RPL7A: variants seen among roughly 807,000 people sequenced by gnomAD.
RPL7A encodes the protein large ribosomal subunit protein eL8.
For synonymous variants in RPL7A, 158 were observed against 128.2 expected, an observed-to-expected ratio of 1.23 and a Z score of -1.57; for missense variants, 291 against 338.2, an observed-to-expected ratio of 0.86 and a Z score of 1.09.
intron 1 of RPL7A, chr9:133,348,664 G>C: frequency 1.4e-6 from 1 of 690,474 alleles, no homozygotes; most frequent in Non-Finnish European, 2.7e-6. Flanking sequence ...TGTCTCCTGG[G>C]TGGGCGACGC....
chr9:133,350,064 C>T lies in RPL7A; in HGVS notation c.415+12C>T. 1 of 1,613,932 alleles carries T rather than the reference C, an allele frequency of 6.2e-7. No homozygotes were observed. The highest frequency in any genetic ancestry group is 8.5e-7 in the Non-Finnish European group (1 of 1,180,042). On this transcript the variant is annotated intron_variant, in intron 4 of 7. Transcript: ENST00000323345. ...TGTCCTTCGAGCAGGTGAGTAGGCC[C>T]CACCTTAGGGTGAACACTGGGGGCG...
intron 4 of RPL7A, 92 bp from the exon 5 acceptor site, chr9:133,350,148 G>C: frequency 6.2e-7 from 1 of 1,612,900 alleles, no homozygotes; most frequent in Non-Finnish European, 8.5e-7. Flanking sequence ...GTAAAACCGA[G>C]CTTTTTAACA....
intron 1 of RPL7A, chr9:133,348,666 G>T: frequency 5.8e-6 from 4 of 691,714 alleles, no homozygotes; most frequent in Non-Finnish European, 1.1e-5. Context: ...TCTCCTGGGT[G>T]GGCGACGCGA....
At chr9:133,349,101 T>C (rs2129983479) in intron 2 of RPL7A, 59 bp downstream of exon 2, 42 of 1,595,852 alleles carry the variant, frequency 2.6e-5, no homozygotes, top group Non-Finnish European at 3.6e-5. Context: ...AAGGTGGTAA[T>C]TGGGTTGTGT....
In RPL7A at chr9:133,348,386, G is replaced by A. The variant is rs2129978266; in HGVS notation, c.3+140G>A. The stretch of plus-strand genomic sequence containing the variant: ...CCACTCGGTGTGGCACGGAGACACC[G>A]AGGTGGATTAGAGCCCCACTTGGTG... On this transcript the variant is annotated intron_variant, in intron 1 of 7. Transcript: ENST00000323345. The A allele has an allele frequency of 1.6e-5, 20 of 1,226,344 alleles. No individual in the cohort carries two copies. The South Asian group carries it at 2.3e-4, about 14-fold the overall frequency. 76.0% of individuals were successfully genotyped at this position (1,226,344 alleles called of 1,614,324 possible).
Position 133,350,820 on chromosome 9 carries a change from T to G in RPL7A, c.626+93T>G, listed in dbSNP as rs114090428. On this transcript the variant is annotated intron_variant, in intron 6 of 7. Coordinates refer to ENST00000323345, the MANE Select transcript of RPL7A (RefSeq NM_000972.3). ...TTTGCCTTAAAGGCCAATCTTTTAGTTTAAGAAATATATTTATCTGAACTT... is the reference window on the plus strand; with the variant it reads ...TTTGCCTTAAAGGCCAATCTTTTAGGTTAAGAAATATATTTATCTGAACTT... 6,808 of 1,580,042 alleles carry G rather than the reference T, an allele frequency of 4.3e-3. 63 individuals carry two copies. Among genetic ancestry groups the G allele is most frequent in the African/African-American group, 0.035 (2,570 of 74,278 alleles).
chr9:133,349,716 G>A lies in RPL7A; in HGVS notation c.274+16G>A, dbSNP rs2129988130. ...CGCCAAACAGGTGAGGTTCTGTGGC[G>A]TGGAAAGGAGTTTCTCAGGCAAGGA... On this transcript the variant is annotated intron_variant, in intron 3 of 7. Transcript: ENST00000323345. 21 of 1,612,006 alleles carry A rather than the reference G, an allele frequency of 1.3e-5. No homozygotes were observed. The highest frequency in any genetic ancestry group is 2.2e-5 in the East Asian group (1 of 44,856).
At chr9:133,351,192 A>T in intron 7 of RPL7A, 70 bp from the exon 8 acceptor site, 2 of 1,553,740 alleles carry the variant, frequency 1.3e-6, no homozygotes, top group East Asian at 2.3e-5. Context: ...AACAGAATTA[A>T]CGCAACTAAT....
At chr9:133,351,146 GAGA>G in intron 7 of RPL7A, 75 bp downstream of exon 7, 1 of 1,560,720 alleles carries the variant, frequency 6.4e-7, no homozygotes, top group Non-Finnish European at 8.8e-7. Flanking sequence ...CTTAACCTAT[GAGA>G]AGTTCTATCT....
chr9:133,348,500 G>A lies in RPL7A; in HGVS notation c.3+254G>A. Reference sequence around the variant, plus strand: ...GGTGTCGCAGGGCTGGGTGTCGCAGGCCTGGAGCACCGCAGTGCGGGGCTC... The same window carrying A: ...GGTGTCGCAGGGCTGGGTGTCGCAGACCTGGAGCACCGCAGTGCGGGGCTC... On this transcript the variant is annotated intron_variant, in intron 1 of 7. Transcript: ENST00000323345. 4 of 613,878 alleles carry A rather than the reference G, an allele frequency of 6.5e-6. No individual in the cohort carries two copies. In the South Asian group the frequency reaches 7.8e-5, roughly 12 times the overall value. 38.0% of individuals were successfully genotyped at this position (613,878 alleles called of 1,614,324 possible).
intron 1 of RPL7A, 114 bp from the exon 2 acceptor site, chr9:133,348,808 C>T (rs1207239692): frequency 1.3e-6 from 2 of 1,539,390 alleles, no homozygotes; most frequent in East Asian, 2.3e-5. Context: ...TGCTCGCCAG[C>T]TTAGTTCAGG....
intron 4 of RPL7A, 91 bp from the exon 5 acceptor site, chr9:133,350,149 C>T: frequency 3.1e-6 from 5 of 1,612,198 alleles, no homozygotes; most frequent in Non-Finnish European, 4.2e-6. Context: ...TAAAACCGAG[C>T]TTTTTAACAC....
In RPL7A at chr9:133,350,811, A is replaced by ATCT. The variant is rs1470156810; in HGVS notation, c.626+86_626+88dup. 11 of 1,587,156 alleles carry ATCT rather than the reference A, an allele frequency of 6.9e-6. No homozygotes were observed. In the African/African-American group the frequency reaches 1.1e-4, roughly 16 times the overall value. On this transcript the variant is annotated intron_variant, in intron 6 of 7. Transcript: ENST00000323345. ...TTGTTTCCTTTTGCCTTAAAGGCCA[A>ATCT]TCTTTTAGTTTAAGAAATATATTTA...
At position 133,348,634 on chromosome 9, in the gene RPL7A, G is replaced by A. The variant is rs2129979625; in HGVS notation, c.4-288G>A. On this transcript the variant is annotated intron_variant, in intron 1 of 7. Transcript: ENST00000323345. ...CTAGAGCCTGTGGGGCCGCGACTCAGAGGAGTCATGAGTCCGGGGTGTCTC... is the reference window on the plus strand; with the variant it reads ...CTAGAGCCTGTGGGGCCGCGACTCAAAGGAGTCATGAGTCCGGGGTGTCTC... 36 of 649,664 alleles carry A rather than the reference G, an allele frequency of 5.5e-5. No individual in the cohort carries two copies. In the African/African-American group the frequency reaches 6.1e-4, roughly 11 times the overall value. The allele number at this position is 649,664 out of a possible 1,614,324, so 40.2% of individuals were successfully genotyped here. A position where few individuals can be genotyped will look rare whatever the true frequency, so the allele number is the denominator to read the frequency against.
chr9:133,350,105 G>A (rs199670194), intron 4 of RPL7A, 53 bp downstream of exon 4: 13 of 1,613,818 alleles, frequency 8.1e-6, no homozygotes, highest in South Asian at 1.1e-5. Flanking sequence ...TTGCAGTGAT[G>A]TAAAATTTCT....
At position 133,350,032 on chromosome 9, in the gene RPL7A, G is replaced by C; in HGVS notation, c.395G>C (p.Arg132Thr). ...GGCAAAGGGGACGTCCCAACGAAGA[G>C]ACCACCTGTCCTTCGAGCAGGTGAG... ...AAGKGDVPTKRPPVLRAGVNT... is the reference protein window; with the variant it reads ...AAGKGDVPTKTPPVLRAGVNT... Residue 132 changes from arginine to threonine, a missense_variant, in exon 4 of 8, where the codon AGA becomes ACA. Physicochemically the swap from Arg to Thr is moderately conservative, Grantham distance 71. Transcript: ENST00000323345. 6.2e-7 allele frequency: 1 copy of C among 1,613,728 alleles called. No homozygotes were observed. Among genetic ancestry groups the C allele is most frequent in the Non-Finnish European group, 8.5e-7 (1 of 1,180,032 alleles).
chr9:133,349,187 T>TAAA, intron 2 of RPL7A, 145 bp downstream of exon 2: 1 of 1,006,350 alleles, frequency 9.9e-7, no homozygotes, highest in Non-Finnish European at 1.5e-6. Context: ...GGGGCAATGA[T>TAAA]ACATGCTTCT....
rs112054796 is a variant in RPL7A at position 133,351,193 on chromosome 9, C to T, written c.697-69C>T. 201 of 1,551,672 alleles carry T rather than the reference C, an allele frequency of 1.3e-4. 7 individuals are homozygous for T. The highest frequency in any genetic ancestry group is 1.2e-3 in the African/African-American group (85 of 73,832). On this transcript the variant is annotated intron_variant, in intron 7 of 7. Transcript: ENST00000323345. ...GCTTGGAACAGCCAAACAGAATTAA[C>T]GCAACTAATAACCTTGAAAATCTCA...
At chr9:133,350,884 C>A in intron 6 of RPL7A, 118 bp from the exon 7 acceptor site, 1 of 1,463,108 alleles carries the variant, frequency 6.8e-7, no homozygotes, top group Non-Finnish European at 9.6e-7. Context: ...CCTGAATAAA[C>A]CATGTGGTCA....
Sources: allele counts gnomAD v4.1 joint callset, GRCh38; gene constraint gnomAD v4.1.1; transcripts MANE v1.5; gene names NCBI Gene and HGNC (gene_info 2026-07-23, HGNC 2026-07-21).